Variants in CUX1 observed in about 807,000 individuals in gnomAD.
The protein encoded by CUX1 is cut like homeobox 1, also known as protein CASP.
CUX1 carries 31 observed loss-of-function variants against 158.8 expected under a neutral mutation model. The ratio of observed to expected loss-of-function variants is 0.20; its 90% CI spans 0.15 to 0.26. CUX1 has a LOEUF of 0.26. Among genes scored for constraint, CUX1 ranks in the 10% least tolerant of loss-of-function variants. The probability of loss-of-function intolerance (pLI) is 1.00; values close to 1 mark genes in which losing one functional copy is unlikely to be tolerated. For synonymous variants in CUX1, 879 were observed against 862.1 expected (o/e 1.02, Z -0.34); for missense variants, 1,589 against 2,014.6 (o/e 0.79, Z 4.04).
At chr7:101,995,254 T>C (rs1464676197) in intron 2 of CUX1, among the ~76,000 whole-genome samples, 1 of 152,098 alleles carries the variant, frequency 6.6e-6, no homozygotes, top group Non-Finnish European at 1.5e-5. Flanking sequence ...AAGAGTCCCA[T>C]CCAGGCCGCC....
intron 1 of CUX1, among the ~76,000 whole-genome samples, chr7:101,877,828 A>G (rs141055531): frequency 1.3e-5 from 2 of 150,242 alleles, no homozygotes; most frequent in East Asian, 2.0e-4. Flanking sequence ...CCATTGTTCA[A>G]TGATATGAAT....
intron 3 of CUX1, among the ~76,000 whole-genome samples, chr7:102,034,307 C>T (rs1263360759): frequency 6.6e-6 from 1 of 151,928 alleles, no homozygotes; most frequent in Non-Finnish European, 1.5e-5. Context: ...ATGTCATTAG[C>T]AGATTAAAGG....
chr7:101,823,382 T>C (rs1584651752), intron 1 of CUX1, among the ~76,000 whole-genome samples: 1 of 152,348 alleles, frequency 6.6e-6, no homozygotes, highest in Non-Finnish European at 1.5e-5. Flanking sequence ...ACTGACTTGG[T>C]TCTGCTTCCT....
chr7:102,035,524 A>G (rs1821327847), intron 3 of CUX1, among the ~76,000 whole-genome samples: 1 of 152,034 alleles, frequency 6.6e-6, no homozygotes, highest in South Asian at 2.1e-4. Flanking sequence ...TCATTTTTCA[A>G]GTGAGCCTCA....
chr7:102,033,547 T>C (rs1213173166), intron 3 of CUX1, among the ~76,000 whole-genome samples: 1 of 152,202 alleles, frequency 6.6e-6, no homozygotes, highest in Admixed American at 6.5e-5. Context: ...AAGGGAATGT[T>C]ATAAGCAACT....
At chr7:102,035,601 A>T (rs1390399807) in intron 3 of CUX1, among the ~76,000 whole-genome samples, 1 of 150,098 alleles carries the variant, frequency 6.7e-6, no homozygotes, top group African/African-American at 2.5e-5. Context: ...CTGTATCAGC[A>T]GCAAACTTAA....
intron 8 of CUX1, among the ~76,000 whole-genome samples, chr7:102,139,377 A>C (rs1312457215): frequency 6.6e-6 from 1 of 152,160 alleles, no homozygotes; most frequent in African/African-American, 2.4e-5. Flanking sequence ...CCAGAATTAC[A>C]ATGACATTGT....
intron 23 of CUX1, among the ~76,000 whole-genome samples, chr7:102,246,425 A>G (rs1800818914): frequency 6.6e-6 from 1 of 152,188 alleles, no homozygotes; most frequent in South Asian, 2.1e-4. Flanking sequence ...CACTGCACGC[A>G]GGAATCAAAT....
chr7:101,819,302 A>G (rs551938885), intron 1 of CUX1, among the ~76,000 whole-genome samples: 10 of 152,314 alleles, frequency 6.6e-5, no homozygotes, highest in South Asian at 2.1e-4. Context: ...AAAGGAGGAC[A>G]CTTTCTAAGA....
intron 20 of CUX1, among the ~76,000 whole-genome samples, chr7:102,226,284 G>A (rs184359108): frequency 9.9e-5 from 15 of 152,250 alleles, no homozygotes; most frequent in Admixed American, 5.2e-4. Flanking sequence ...CAAAGAGCTC[G>A]GTTTTCAGAA....
At chr7:102,178,036 T>A (rs1554512522) in intron 10 of CUX1, among the ~76,000 whole-genome samples, 1 of 152,050 alleles carries the variant, frequency 6.6e-6, no homozygotes, top group Non-Finnish European at 1.5e-5. Flanking sequence ...GGATTACAGG[T>A]CACCACCACG....
At chr7:102,052,842 C>T (rs1367432383) in intron 3 of CUX1, among the ~76,000 whole-genome samples, 1 of 152,196 alleles carries the variant, frequency 6.6e-6, no homozygotes, top group Non-Finnish European at 1.5e-5. Flanking sequence ...GGGTCTCGCT[C>T]TCTTGCCCAG....
At chr7:102,127,558 T>C (rs1054696523) in intron 8 of CUX1, among the ~76,000 whole-genome samples, 3 of 140,488 alleles carry the variant, frequency 2.1e-5, no homozygotes, top group African/African-American at 8.0e-5. Context: ...TTTTGATTTC[T>C]AGGGTTTGTT....
At chr7:102,054,294 A>G (rs1823872161) in intron 3 of CUX1, among the ~76,000 whole-genome samples, 1 of 152,188 alleles carries the variant, frequency 6.6e-6, no homozygotes, top group Admixed American at 6.6e-5. Context: ...GTTTTAGCTC[A>G]TATATTTTGG....
In CUX1 at chr7:102,158,480, A is replaced by G. The variant is rs1221421741; in HGVS notation, c.675-80A>G. On this transcript the variant is annotated intron_variant, in intron 8 of 23. Transcript: ENST00000292535. ...TCTGCACAGCCCTTCCCGAGCCCTG[A>G]GCTAGGAAGCTGTCCCATCAGTCAC... is the stretch of plus-strand genomic sequence containing the variant. 4 of 1,453,116 alleles carry G rather than the reference A, an allele frequency of 2.8e-6. No individual in the cohort carries two copies. In the East Asian group the frequency reaches 6.9e-5, roughly 25 times the overall value. 90.0% of individuals were successfully genotyped at this position (1,453,116 alleles called of 1,614,324 possible).
At chr7:102,202,447 G>T (rs1306993920) in intron 18 of CUX1, among the ~76,000 whole-genome samples, 1 of 152,052 alleles carries the variant, frequency 6.6e-6, no homozygotes, top group Non-Finnish European at 1.5e-5. Flanking sequence ...CTGCCCTTTC[G>T]ACCCCTCACT....
intron 2 of CUX1, among the ~76,000 whole-genome samples, chr7:101,989,374 C>T (rs1316501278): frequency 6.6e-6 from 1 of 152,250 alleles, no homozygotes; most frequent in East Asian, 1.9e-4. Context: ...GCGTGCCGCA[C>T]TGGCCAGCCG....
At chr7:101,895,891 GTTTTTTTTTTGTTTTTGTTTTT>G (rs1257629875) in intron 1 of CUX1, among the ~76,000 whole-genome samples, 3 of 112,716 alleles carry the variant, frequency 2.7e-5, no homozygotes, top group African/African-American at 3.7e-5. Flanking sequence ...CACCTGTAAA[GTTTTTTTTTTGTTTTTGTTTTT>G]TTTTTTTTTT....
intron 2 of CUX1, among the ~76,000 whole-genome samples, chr7:102,019,626 A>G (rs1212442800): frequency 6.6e-6 from 1 of 152,116 alleles, no homozygotes; most frequent in East Asian, 1.9e-4. Context: ...CAGGCACCCT[A>G]TGTTGAAATC....
Sources: gnomAD v4.1 joint callset for allele counts (sites outside exome capture counted in the v4.1 genomes callset) on GRCh38, gnomAD v4.1.1 for gene constraint, MANE v1.5 for transcripts, NCBI Gene and HGNC (gene_info 2026-07-23, HGNC 2026-07-21) for gene names.